RBFOX3: variants seen among roughly 807,000 people sequenced by gnomAD.
RBFOX3 encodes the protein RNA binding protein fox-1 homolog 3.
Under a neutral mutation model 48.7 loss-of-function variants are expected in RBFOX3, and 17 were observed. The ratio of observed to expected loss-of-function variants is 0.35; its 90% CI spans 0.24 to 0.52. RBFOX3 has a LOEUF of 0.52. Among genes scored for constraint, RBFOX3 ranks in the 20% least tolerant of loss-of-function variants. RBFOX3 has a pLI of 0.94. For missense variants in RBFOX3, 382 were observed against 497.5 expected (o/e 0.77, Z 2.21); for synonymous variants, 212 against 209.5 (o/e 1.01, Z -0.10).
chr17:79,179,298 C>T (rs548387783), intron 4 of RBFOX3, among the ~76,000 whole-genome samples: 9 of 152,244 alleles, frequency 5.9e-5, no homozygotes, highest in African/African-American at 1.4e-4. Flanking sequence ...CCAGAGGGAA[C>T]GTGCTCTGCC....
At chr17:79,203,832 A>G (rs1035114041) in intron 4 of RBFOX3, among the ~76,000 whole-genome samples, 1 of 152,148 alleles carries the variant, frequency 6.6e-6, no homozygotes. Flanking sequence ...TTGTATACCA[A>G]TTGTACCAAT....
chr17:79,523,926 C>T (rs910204670), intron 1 of RBFOX3, among the ~76,000 whole-genome samples: 4 of 152,154 alleles, frequency 2.6e-5, no homozygotes, highest in Non-Finnish European at 5.9e-5. Context: ...CTGGCCACCT[C>T]GGTGGCACTG....
In RBFOX3 at chr17:79,363,275, G is replaced by T. The variant is rs2057251554; in HGVS notation, c.-174-55451C>A. On this transcript the variant is annotated intron_variant, in intron 2 of 14. Transcript: ENST00000693108. This position sits in a 1 kb window ranked among gnomAD's most constrained non-coding sequence, Gnocchi z 4.7. ...CACGGGTGACAGTTAGGGTCAATGT[G>T]CAGAAGAACCAGGGGACTCTTTAAA... Among the ~76,000 whole-genome samples, 1 of 152,144 alleles carries T rather than the reference G, an allele frequency of 6.6e-6. No individual in the cohort carries two copies. The highest frequency in any genetic ancestry group is 1.5e-5 in the Non-Finnish European group (1 of 68,030).
chr17:79,498,321 G>A (rs906141479), intron 1 of RBFOX3, among the ~76,000 whole-genome samples: 45 of 152,120 alleles, frequency 3.0e-4, no homozygotes, highest in Admixed American at 1.4e-3. Context: ...GCTTCATGAA[G>A]GGGGAAGACC....
intron 1 of RBFOX3, among the ~76,000 whole-genome samples, chr17:79,510,224 C>T (rs1376214157): frequency 5.3e-5 from 8 of 152,260 alleles, no homozygotes; most frequent in Admixed American, 6.5e-5. Context: ...CCCTTCCCAT[C>T]GGCAACAAGT....
chr17:79,506,583 C>T (rs1416103524), intron 1 of RBFOX3, among the ~76,000 whole-genome samples: 1 of 152,202 alleles, frequency 6.6e-6, no homozygotes, highest in African/African-American at 2.4e-5. Flanking sequence ...AGGCCATGAC[C>T]GGGGAGCTGG....
chr17:79,118,992 A>AG (rs1568165832), intron 4 of RBFOX3, among the ~76,000 whole-genome samples: 10 of 143,036 alleles, frequency 7.0e-5, no homozygotes, highest in African/African-American at 1.6e-4. Flanking sequence ...AAAAAAAAAA[A>AG]ATAAAGAAAA....
chr17:79,386,313 C>T (rs2060562671), intron 2 of RBFOX3, among the ~76,000 whole-genome samples: 1 of 151,970 alleles, frequency 6.6e-6, no homozygotes, highest in Non-Finnish European at 1.5e-5. Context: ...CCTCCCATGA[C>T]AGAAGGAGGC....
At chr17:79,634,889 G>T in the RBFOX3 span, among the ~76,000 whole-genome samples, 1 of 151,670 alleles carries the variant, frequency 6.6e-6, no homozygotes, top group African/African-American at 2.4e-5. Context: ...ATGAAACTCT[G>T]TCTCTACTAA....
chr17:79,488,219 C>T (rs1260357427), intron 1 of RBFOX3, among the ~76,000 whole-genome samples: 5 of 152,192 alleles, frequency 3.3e-5, no homozygotes, highest in African/African-American at 9.7e-5. Flanking sequence ...CATGCAAGGA[C>T]AGGCTGGGGA....
chr17:79,221,857 G>C (rs938822515), intron 4 of RBFOX3, among the ~76,000 whole-genome samples: 8 of 152,260 alleles, frequency 5.3e-5, no homozygotes, highest in Non-Finnish European at 1.2e-4. Flanking sequence ...AGCAGCATCA[G>C]CTTTGAGTCT....
intron 14 of RBFOX3, chr17:79,094,178 G>A: frequency 2.4e-6 from 1 of 417,790 alleles, no homozygotes; most frequent in South Asian, 8.4e-5. Flanking sequence ...TAGTGAGGGA[G>A]CTCAGGGAAA....
rs542171889 is a variant in RBFOX3, at chr17:79,364,687, C to G, written c.-174-56863G>C. Among the ~76,000 whole-genome samples the G allele has an allele frequency of 6.6e-6, 1 of 152,106 alleles. No homozygotes were observed. Among genetic ancestry groups the G allele is most frequent in the African/African-American group, 2.4e-5 (1 of 41,412 alleles). ...CTGTTTGCTTTCTGGTGGGGAAGCA[C>G]GCTCTCCACTGATGGGGGACACCAT... On this transcript the variant is annotated intron_variant, in intron 2 of 14. Coordinates refer to ENST00000693108, the MANE Select transcript of RBFOX3 (RefSeq NM_001350451.2). This position sits in a 1 kb window ranked among gnomAD's most constrained non-coding sequence, Gnocchi z 5.1.
At position 79,094,355 on chromosome 17, in the gene RBFOX3, T is replaced by C. The variant is rs77843183; in HGVS notation, c.1077+96A>G. ...TTCCAAAGTCTCCGGGACCAAGGCA[T>C]TGGTCAGAGGGCTCGGCCTCTCCCC... On this transcript the variant is annotated intron_variant, in intron 14 of 14. Coordinates refer to ENST00000693108, the MANE Select transcript of RBFOX3 (RefSeq NM_001350451.2). The C allele has an allele frequency of 1.0e-3, 870 of 852,224 alleles. 4 individuals carry two copies. In the African/African-American group the frequency reaches 0.014, roughly 14 times the overall value. The allele number at this position is 852,224 out of a possible 1,614,324, so 52.8% of individuals were successfully genotyped here.
At chr17:79,267,991 T>C (rs960828453) in intron 3 of RBFOX3, among the ~76,000 whole-genome samples, 1 of 152,144 alleles carries the variant, frequency 6.6e-6, no homozygotes, top group African/African-American at 2.4e-5. Flanking sequence ...CACTATAGAA[T>C]TCAACCTGCA....
chr17:79,596,409 T>C (rs1945397194), intron 1 of RBFOX3, among the ~76,000 whole-genome samples: 1 of 151,880 alleles, frequency 6.6e-6, no homozygotes, highest in South Asian at 2.1e-4. Flanking sequence ...AGGCAGAGAG[T>C]GTGCCCAGCA....
intron 2 of RBFOX3, among the ~76,000 whole-genome samples, chr17:79,410,746 G>A (rs1318697588): frequency 1.3e-5 from 2 of 152,144 alleles, no homozygotes; most frequent in Middle Eastern, 3.2e-3. Flanking sequence ...GCACATGCAC[G>A]CCCAGGTCAG....
At chr17:79,602,455 G>C (rs1473506090) in intron 1 of RBFOX3, among the ~76,000 whole-genome samples, 3 of 152,186 alleles carry the variant, frequency 2.0e-5, no homozygotes, top group East Asian at 3.8e-4. Flanking sequence ...ACCAACCACT[G>C]TCGGTCTTCT....
chr17:79,100,927 C>T lies in RBFOX3; in HGVS notation c.568+657G>A, dbSNP rs536248047. On this transcript the variant is annotated intron_variant, in intron 9 of 14. Transcript: ENST00000693108. The stretch of plus-strand genomic sequence containing the variant: ...TTCCTCAGTCTCCCCTTGCTGTGGA[C>T]AGCAGGGCTCAGCCTGGGGCCTCAG... Among the ~76,000 whole-genome samples the T allele has an allele frequency of 2.0e-5, 3 of 152,322 alleles. 1 individual carries two copies. Among genetic ancestry groups the T allele is most frequent in the Admixed American group, 1.3e-4 (2 of 15,314 alleles).
Sources: gnomAD v4.1 joint callset for allele counts (sites outside exome capture counted in the v4.1 genomes callset) on GRCh38, gnomAD v4.1.1 for gene constraint, Gnocchi (gnomAD v3.1) non-coding constraint, MANE v1.5 for transcripts, NCBI Gene and HGNC (gene_info 2026-07-23, HGNC 2026-07-21) for gene names.